IQGAP3: variants seen among roughly 807,000 people sequenced by gnomAD.
IQGAP3 encodes ras GTPase-activating-like protein IQGAP3.
Under a neutral mutation model 208.2 loss-of-function variants are expected in IQGAP3, and 165 were observed. That is an observed-to-expected ratio of 0.79 (90% CI 0.70 to 0.90). IQGAP3 has a LOEUF of 0.90. IQGAP3 is among the 40% of genes least tolerant of loss of function. The pLI, the probability that IQGAP3 is intolerant of heterozygous loss-of-function variation, is 0.00. For synonymous variants in IQGAP3, 703 were observed against 803.6 expected (o/e 0.87, Z 2.12); for missense variants, 1,811 against 2,043.1 (o/e 0.89, Z 2.19).
In IQGAP3 at chr1:156,534,607, C is replaced by T; in HGVS notation, c.3634G>A (p.Val1212Met). 1.2e-6 allele frequency: 2 copies of T among 1,612,560 alleles called. No homozygotes were observed. The highest frequency in any genetic ancestry group is 1.7e-5 in the Admixed American group (1 of 59,894). The change falls in exon 29 of 38, where the codon GTG becomes ATG. Residue 1212 changes from valine (V) to methionine (M), a missense_variant. Coordinates refer to ENST00000361170, the MANE Select transcript of IQGAP3 (RefSeq NM_178229.5). ...GCAGCGTGCTGTAGGAGCTGAGCCA[C>T]AGCCCCCAGGGCATGGCGCTGGGGG... ...AAPQRHALGA[V>M]AQLLQHAAAG... is the part of the protein sequence containing the mutation.
intron 10 of IQGAP3, among the ~76,000 whole-genome samples, chr1:156,561,334 T>C (rs560300488): frequency 1.3e-5 from 2 of 152,204 alleles, no homozygotes; most frequent in Admixed American, 1.3e-4. Flanking sequence ...CACCAGCTAA[T>C]TTTTGTATTT....
chr1:156,560,318 C>T (rs1192840866), intron 11 of IQGAP3, among the ~76,000 whole-genome samples: 1 of 152,152 alleles, frequency 6.6e-6, no homozygotes, highest in African/African-American at 2.4e-5. Flanking sequence ...TTGAGACCCA[C>T]CTGGCCAACA....
intron 22 of IQGAP3, 62 bp downstream of exon 22, chr1:156,543,919 T>G: frequency 6.9e-7 from 1 of 1,440,686 alleles, no homozygotes; most frequent in Non-Finnish European, 9.8e-7. Flanking sequence ...TGTCTAGACC[T>G]GCCTGGCTCT....
At chr1:156,528,382 T>C (rs1489223674) in intron 36 of IQGAP3, 127 bp downstream of exon 36, 2 of 692,868 alleles carry the variant, frequency 2.9e-6, no homozygotes, top group Non-Finnish European at 2.5e-6. Flanking sequence ...GTCTCCACCA[T>C]CATTCTAGCA....
intron 27 of IQGAP3, 104 bp from the exon 28 acceptor site, chr1:156,535,351 C>T: frequency 2.6e-6 from 2 of 780,750 alleles, no homozygotes; most frequent in Non-Finnish European, 4.3e-6. Flanking sequence ...CCAGGCTCAG[C>T]CACTCCAGAG....
chr1:156,538,774 TC>T (rs774881012), intron 26 of IQGAP3, 34 bp downstream of exon 26: 1 of 1,571,496 alleles, frequency 6.4e-7, no homozygotes. Context: ...ACACAGCTGA[TC>T]AAAGAGAGCT....
At position 156,564,116 on chromosome 1, in the gene IQGAP3, C is replaced by T. The variant is rs114926359; in HGVS notation, c.438-292G>A. Among the ~76,000 whole-genome samples the T allele has an allele frequency of 6.8e-3, 1,040 of 152,116 alleles. 10 individuals are homozygous for T. Among genetic ancestry groups the T allele is most frequent in the African/African-American group, 0.024 (995 of 41,488 alleles). On this transcript the variant is annotated intron_variant, in intron 5 of 37. Transcript: ENST00000361170. ...CAATGGAGAGAGAGGACAGGAAGGG[C>T]GCAGCAAGCAGATACCTGCTGAGCT...
chr1:156,536,514 G>C (rs1468161734), intron 27 of IQGAP3, among the ~76,000 whole-genome samples: 1 of 152,130 alleles, frequency 6.6e-6, no homozygotes, highest in Admixed American at 6.5e-5. Flanking sequence ...GTTGGTCAAT[G>C]GGTACAAAGT....
chr1:156,537,798 A>G (rs1184427325), intron 26 of IQGAP3, among the ~76,000 whole-genome samples: 1 of 152,118 alleles, frequency 6.6e-6, no homozygotes, highest in Non-Finnish European at 1.5e-5. Flanking sequence ...AGGGCAACCT[A>G]TCTCTCCCAC....
Position 156,544,380 on chromosome 1 carries a change from C to G in IQGAP3, c.2388+9G>C. The stretch of plus-strand genomic sequence containing the variant: ...AGAGAAAGGAGCCTGCCAAAACCAC[C>G]GTAGCTACCTTGATTATGGCATCCA... On this transcript the variant is annotated intron_variant, in intron 20 of 37. Transcript: ENST00000361170. 1 of 1,609,944 alleles carries G rather than the reference C, an allele frequency of 6.2e-7. No individual in the cohort carries two copies. The highest frequency in any genetic ancestry group is 1.1e-5 in the South Asian group (1 of 91,000).
intron 1 of IQGAP3, among the ~76,000 whole-genome samples, chr1:156,570,435 G>A (rs533120061): frequency 6.0e-5 from 9 of 150,648 alleles, no homozygotes; most frequent in African/African-American, 2.2e-4. Context: ...CAGCTACTGG[G>A]CCTAGACCTG....
intron 32 of IQGAP3, among the ~76,000 whole-genome samples, chr1:156,532,704 C>T (rs999752069): frequency 6.6e-6 from 1 of 152,102 alleles, no homozygotes; most frequent in Non-Finnish European, 1.5e-5. Context: ...AAGAAAAAAG[C>T]ATTTGGTAAA....
Position 156,530,312 on chromosome 1 carries a change from T to G in IQGAP3, c.4197A>C (p.Ala1399=), listed in dbSNP as rs376519095. ...LSLSASREQE[A]AHKQLMSRRQ... is the part of the protein sequence containing the mutation. The stretch of plus-strand genomic sequence containing the variant: ...GTCGGCTCATCAGCTGCTTGTGGGC[T>G]GCTTCCTGGGGACACACAGACGCTG... The change falls in exon 34 of 38, where the codon GCA becomes GCC. Residue 1399 remains alanine (A), a synonymous_variant. Coordinates refer to ENST00000361170, the MANE Select transcript of IQGAP3 (RefSeq NM_178229.5). 4.4e-5 allele frequency: 71 copies of G among 1,607,034 alleles called. No homozygotes were observed. Among genetic ancestry groups the G allele is most frequent in the Non-Finnish European group, 5.7e-5 (67 of 1,179,732 alleles).
rs752288978 is a variant in IQGAP3 at position 156,544,152 on chromosome 1, A to T, written c.2460T>A (p.Asn820Lys). ...GCAGGGGGAACAAGGTGACACTCACATTCTTCTGGAAGTAGTGCAGACGCC... is the reference window on the plus strand; with the variant it reads ...GCAGGGGGAACAAGGTGACACTCACTTTCTTCTGGAAGTAGTGCAGACGCC... ...YLRRLHYFQK[N>K]VNSIVKIQAF... Residue 820 changes from asparagine (N) to lysine (K), a missense_variant and splice_region_variant, in exon 21 of 38, where the codon AAT becomes AAA. Asn to Lys is a moderately conservative substitution (Grantham distance 94, BLOSUM62 0). Coordinates refer to ENST00000361170, the MANE Select transcript of IQGAP3 (RefSeq NM_178229.5). 7.4e-6 allele frequency: 12 copies of T among 1,614,036 alleles called. No individual in the cohort carries two copies. Among genetic ancestry groups the T allele is most frequent in the Non-Finnish European group, 1.0e-5 (12 of 1,180,002 alleles).
At chr1:156,554,109 C>G in intron 13 of IQGAP3, 126 bp downstream of exon 13, 1 of 1,193,718 alleles carries the variant, frequency 8.4e-7, no homozygotes, top group Non-Finnish European at 1.2e-6. Context: ...GTGAACAGAC[C>G]CAGAGGGTGG....
intron 11 of IQGAP3, among the ~76,000 whole-genome samples, chr1:156,559,605 A>G (rs925777393): frequency 6.6e-6 from 1 of 152,334 alleles, no homozygotes; most frequent in Admixed American, 6.5e-5. Context: ...AAGACTTCAC[A>G]GAGGAGGAAG....
intron 15 of IQGAP3, 108 bp from the exon 16 acceptor site, chr1:156,550,459 C>A: frequency 2.7e-6 from 2 of 750,816 alleles, no homozygotes; most frequent in Non-Finnish European, 4.6e-6. Context: ...TTGGGAGCCA[C>A]AGGGACAGTG....
At chr1:156,533,735 T>A in intron 31 of IQGAP3, 38 bp downstream of exon 31, 1 of 1,540,400 alleles carries the variant, frequency 6.5e-7, no homozygotes, top group Non-Finnish European at 8.9e-7. Context: ...TCCATGCAGG[T>A]CCCCTAGCTG....
At chr1:156,555,943 A>G (rs1204409764) in intron 12 of IQGAP3, among the ~76,000 whole-genome samples, 1 of 152,232 alleles carries the variant, frequency 6.6e-6, no homozygotes, top group Non-Finnish European at 1.5e-5. Context: ...TAGATGCTCT[A>G]TAAACACCTG....
Sources: allele counts gnomAD v4.1 joint callset (sites outside exome capture counted in the v4.1 genomes callset), GRCh38; gene constraint gnomAD v4.1.1; transcripts MANE v1.5; gene names NCBI Gene and HGNC (gene_info 2026-07-23, HGNC 2026-07-21).